Variants in CHRM5 observed in about 807,000 individuals in gnomAD.
The protein encoded by CHRM5 is cholinergic receptor muscarinic 5.
A neutral mutation model predicts 39.0 loss-of-function variants in CHRM5; 18 were observed. The ratio of observed to expected loss-of-function variants is 0.46; its 90% CI spans 0.32 to 0.68. The LOEUF is 0.68. CHRM5 is among the 30% of genes least tolerant of loss of function. The pLI is 0.04. For synonymous variants in CHRM5, 241 were observed against 246.3 expected, an observed-to-expected ratio of 0.98 and a Z score of 0.20; for missense variants, 515 against 651.1, an observed-to-expected ratio of 0.79 and a Z score of 2.28.
intron 1 of CHRM5, among the ~76,000 whole-genome samples, chr15:34,027,825 CA>C (rs539182561): frequency 0.02 from 1,212 of 61,244 alleles, 18 homozygotes; most frequent in Admixed American, 0.11. Context: ...AGGTGAGGCT[CA>C]AAAAAAAAAA....
At chr15:34,006,337 T>C (rs1897341953) in intron 1 of CHRM5, among the ~76,000 whole-genome samples, 1 of 150,080 alleles carries the variant, frequency 6.7e-6, no homozygotes, top group Admixed American at 6.6e-5. Context: ...GCCTTGTAAC[T>C]GATGAGAATT....
Position 34,062,710 on chromosome 15 carries a change from G to A in CHRM5, c.-8G>A, listed in dbSNP as rs1465715191. The A allele has an allele frequency of 6.3e-7, 1 of 1,595,938 alleles. No homozygotes were observed. The highest frequency in any genetic ancestry group is 1.3e-5 in the African/African-American group (1 of 74,516). On this transcript the variant is annotated 5_prime_UTR_variant, in exon 3 of 3. Coordinates refer to ENST00000383263, the MANE Select transcript of CHRM5 (RefSeq NM_012125.4). ...TAACACTATTTACTGTAAAATTTTT[G>A]CACCAGGATGGAAGGGGATTCTTAC...
chr15:34,027,551 C>T (rs1229303718), intron 1 of CHRM5, among the ~76,000 whole-genome samples: 2 of 129,568 alleles, frequency 1.5e-5, no homozygotes, highest in African/African-American at 5.1e-5. Flanking sequence ...AGAAAGAAAA[C>T]GAACAGCCTC....
At chr15:33,998,821 T>C (rs185717090) in intron 1 of CHRM5, among the ~76,000 whole-genome samples, 1 of 152,310 alleles carries the variant, frequency 6.6e-6, no homozygotes, top group Admixed American at 6.5e-5. Context: ...GTCTCTTCTC[T>C]TTCCCCTAAA....
At chr15:33,977,511 G>C (rs181124359) in intron 1 of CHRM5, among the ~76,000 whole-genome samples, 42 of 152,214 alleles carry the variant, frequency 2.8e-4, no homozygotes, top group African/African-American at 1.0e-3. Context: ...CTTTGATTCA[G>C]GGTGTTGTAT....
intron 1 of CHRM5, among the ~76,000 whole-genome samples, chr15:34,002,671 G>T (rs1464839797): frequency 6.6e-6 from 1 of 152,094 alleles, no homozygotes; most frequent in African/African-American, 2.4e-5. Context: ...ATATATTCTA[G>T]AAACTTTATA....
At chr15:34,046,978 G>A (rs190707868) in intron 2 of CHRM5, 107 bp downstream of exon 2, 1 of 152,330 alleles carries the variant, frequency 6.6e-6, no homozygotes, top group Non-Finnish European at 1.5e-5. Context: ...AGAGCCTTAG[G>A]TCCAACACAC....
chr15:34,034,677 A>C lies in CHRM5; in HGVS notation c.-407-11863A>C, dbSNP rs77098987. On this transcript the variant is annotated intron_variant, in intron 1 of 2. Transcript: ENST00000383263. ...TCTGTGTTGATATTGAAAATATGTA[A>C]GTGAAATAGTGGTCAGTGAGAAAAG... 9.8e-3 allele frequency among the ~76,000 whole-genome samples: 1,490 copies of C among 152,270 alleles called. 34 individuals carry two copies. Among genetic ancestry groups the C allele is most frequent in the African/African-American group, 0.034 (1,427 of 41,544 alleles).
chr15:34,007,016 G>A (rs1897384832), intron 1 of CHRM5: 2 of 962,880 alleles, frequency 2.1e-6, no homozygotes, highest in Non-Finnish European at 2.5e-6. Flanking sequence ...TACAAAATTA[G>A]TCTGGTGGTT....
At chr15:34,010,332 A>C (rs1034940369) in intron 1 of CHRM5, among the ~76,000 whole-genome samples, 1 of 152,220 alleles carries the variant, frequency 6.6e-6, no homozygotes, top group Admixed American at 6.5e-5. Flanking sequence ...AAAATAAATA[A>C]ATAAATAAAA....
chr15:34,059,144 G>T (rs185611000), intron 2 of CHRM5, among the ~76,000 whole-genome samples: 1 of 152,112 alleles, frequency 6.6e-6, no homozygotes, highest in East Asian at 1.9e-4. Flanking sequence ...CTATCCACCC[G>T]CCTCGGCCTC....
intron 1 of CHRM5, among the ~76,000 whole-genome samples, chr15:34,017,507 G>A (rs1240677139): frequency 7.9e-6 from 1 of 127,260 alleles, no homozygotes; most frequent in African/African-American, 2.9e-5. Context: ...TTTTGAGACA[G>A]GGTCTTGCTA....
chr15:33,982,167 C>T (rs1896180791), intron 1 of CHRM5, among the ~76,000 whole-genome samples: 1 of 152,042 alleles, frequency 6.6e-6, no homozygotes. Context: ...ACACCCAGCA[C>T]TAAATAAGAG....
rs1217267780 is a variant in CHRM5 at position 33,968,639 on chromosome 15, C to A, written c.-919C>A. On this transcript the variant is annotated 5_prime_UTR_variant, in exon 1 of 3. Coordinates refer to ENST00000383263, the MANE Select transcript of CHRM5 (RefSeq NM_012125.4). The stretch of plus-strand genomic sequence containing the variant: ...AGGACAGAAGAAATGCCTTCATCTT[C>A]TACAGAAAGGAAGCTGATGGACTGA... 2 of 152,056 alleles carry A rather than the reference C, an allele frequency of 1.3e-5. No individual in the cohort carries two copies. Among genetic ancestry groups the A allele is most frequent in the Admixed American group, 1.3e-4 (2 of 15,252 alleles). 9.4% of individuals were successfully genotyped at this position (152,056 alleles called of 1,614,324 possible).
chr15:34,047,424 C>T (rs532676269), intron 2 of CHRM5, among the ~76,000 whole-genome samples: 3 of 152,124 alleles, frequency 2.0e-5, no homozygotes, highest in Admixed American at 1.3e-4. Context: ...CCTGGCAAGG[C>T]GGGAGGTCCA....
intron 1 of CHRM5, among the ~76,000 whole-genome samples, chr15:34,026,298 TTTC>T (rs1460828810): frequency 1.3e-5 from 2 of 152,318 alleles, no homozygotes; most frequent in African/African-American, 2.4e-5. Flanking sequence ...GCACTTTTAT[TTTC>T]TTCTTGGTAT....
intron 1 of CHRM5, among the ~76,000 whole-genome samples, chr15:33,970,827 G>C (rs901530371): frequency 6.6e-6 from 1 of 151,820 alleles, no homozygotes; most frequent in Non-Finnish European, 1.5e-5. Flanking sequence ...CCACTAATTT[G>C]GGGGCTTTGT....
intron 1 of CHRM5, among the ~76,000 whole-genome samples, chr15:34,028,874 A>C (rs1898625739): frequency 6.6e-6 from 1 of 152,168 alleles, no homozygotes; most frequent in Admixed American, 6.5e-5. Flanking sequence ...ACCTGAAAGA[A>C]AGAGGAAAAA....
At chr15:34,025,521 G>A (rs1054678966) in intron 1 of CHRM5, among the ~76,000 whole-genome samples, 4 of 152,104 alleles carry the variant, frequency 2.6e-5, no homozygotes, top group African/African-American at 4.8e-5. Context: ...CTCAAGACTC[G>A]AAGCCTAATA....
Sources: gnomAD v4.1 joint callset for allele counts (sites outside exome capture counted in the v4.1 genomes callset) on GRCh38, gnomAD v4.1.1 for gene constraint, MANE v1.5 for transcripts, NCBI Gene and HGNC (gene_info 2026-07-23, HGNC 2026-07-21) for gene names.